The following PRLR variants were observed in gnomAD, a reference collection of about 807,000 sequenced individuals.
The protein encoded by PRLR is hPRL receptor.
PRLR carries 13 observed loss-of-function variants against 40.2 expected under a neutral mutation model. The ratio of observed to expected loss-of-function variants is 0.32; its 90% CI spans 0.21 to 0.51. The LOEUF is 0.51. PRLR is among the 20% of genes least tolerant of loss of function. PRLR has a pLI of 0.97. For synonymous variants in PRLR, 269 were observed against 278.7 expected (o/e 0.97, Z 0.35); for missense variants, 656 against 747.3 (o/e 0.88, Z 1.42).
At chr5:35,069,209 C>G (rs1179078596) in intron 7 of PRLR, among the ~76,000 whole-genome samples, 2 of 152,118 alleles carry the variant, frequency 1.3e-5, no homozygotes. Context: ...TTACTAAAAG[C>G]CATCAATGGT....
At chr5:35,223,453 G>C (rs1336366648) in intron 1 of PRLR, among the ~76,000 whole-genome samples, 1 of 152,042 alleles carries the variant, frequency 6.6e-6, no homozygotes, top group African/African-American at 2.4e-5. Flanking sequence ...TGATTCTGAT[G>C]TAAAGCTCAG....
At chr5:35,177,085 C>T (rs952941014) in intron 1 of PRLR, among the ~76,000 whole-genome samples, 1 of 152,152 alleles carries the variant, frequency 6.6e-6, no homozygotes, top group African/African-American at 2.4e-5. Flanking sequence ...GATGCAAAGA[C>T]CTTTGTTCAC....
chr5:35,127,505 AT>A (rs1263946246), intron 1 of PRLR, among the ~76,000 whole-genome samples: 1 of 152,234 alleles, frequency 6.6e-6, no homozygotes, highest in Admixed American at 6.5e-5. Flanking sequence ...AGATATTAAG[AT>A]CAGAAACTGT....
chr5:35,228,275 T>C, intron 1 of PRLR, among the ~76,000 whole-genome samples: 1 of 148,120 alleles, frequency 6.8e-6, no homozygotes, highest in Non-Finnish European at 1.5e-5. Context: ...TTCATTGTGC[T>C]GACAGGAAAA....
intron 1 of PRLR, among the ~76,000 whole-genome samples, chr5:35,126,894 GA>G (rs1005119116): frequency 6.6e-6 from 1 of 152,224 alleles, no homozygotes; most frequent in Non-Finnish European, 1.5e-5. Flanking sequence ...ACTTGCTGAT[GA>G]GAAAGAGATG....
In PRLR at chr5:35,191,184, C is replaced by G. The variant is rs1263623515; in HGVS notation, c.-106+39084G>C. Among the ~76,000 whole-genome samples, 3 of 124,308 alleles carry G rather than the reference C, an allele frequency of 2.4e-5. 1 individual carries two copies. Among genetic ancestry groups the G allele is most frequent in the Non-Finnish European group, 5.2e-5 (3 of 57,468 alleles). 81.6% of individuals were successfully genotyped at this position (124,308 alleles called of 152,430 possible). On this transcript the variant is annotated intron_variant, in intron 1 of 9. Coordinates refer to ENST00000618457, the MANE Select transcript of PRLR (RefSeq NM_000949.7). ...CTCCCGGGTTCACGCCATTCTCCTG[C>G]CTCAGCCTCCCAAGTAGCTGGGACT...
Position 35,063,629 on chromosome 5 carries a change from T to C in PRLR, c.*1460A>G, listed in dbSNP as rs1561256418. On this transcript the variant is annotated 3_prime_UTR_variant, in exon 10 of 10. Coordinates refer to ENST00000618457, the MANE Select transcript of PRLR (RefSeq NM_000949.7). ...TTGGACACTTCTGATATGAGCCATT[T>C]CTGCCTCTGCCAAGATTTTGCAATT... 6.6e-6 allele frequency: 1 copy of C among 152,234 alleles called. No homozygotes were observed. Among genetic ancestry groups the C allele is most frequent in the Non-Finnish European group, 1.5e-5 (1 of 68,042 alleles). 9.4% of individuals were successfully genotyped at this position (152,234 alleles called of 1,614,324 possible). A position where few individuals can be genotyped will look rare whatever the true frequency, so the allele number is the denominator to read the frequency against.
At chr5:35,166,962 A>G (rs1428466955) in intron 1 of PRLR, among the ~76,000 whole-genome samples, 1 of 152,122 alleles carries the variant, frequency 6.6e-6, no homozygotes, top group Non-Finnish European at 1.5e-5. Context: ...TGTTTTTTGT[A>G]TATGCTAGAG....
chr5:35,199,559 G>A lies in PRLR; in HGVS notation c.-106+30709C>T, dbSNP rs529037493. ...ATTCTTTAAAAGTTTTTAAAAACAC[G>A]TCATTCTTCAAAAATTGGAAATTGA... is the stretch of plus-strand genomic sequence containing the variant. On this transcript the variant is annotated intron_variant, in intron 1 of 9. Coordinates refer to ENST00000618457, the MANE Select transcript of PRLR (RefSeq NM_000949.7). Among the ~76,000 whole-genome samples the A allele has an allele frequency of 7.5e-4, 106 of 141,632 alleles. 1 individual carries two copies. The highest frequency in any genetic ancestry group is 3.2e-3 in the Admixed American group (43 of 13,524). The allele number at this position is 141,632 out of a possible 152,430, so 92.9% of individuals were successfully genotyped here.
chr5:35,066,491 A>G lies in PRLR; in HGVS notation c.856-389T>C, dbSNP rs1419502381. 2.0e-5 allele frequency among the ~76,000 whole-genome samples: 3 copies of G among 152,016 alleles called. No individual in the cohort carries two copies. The East Asian group carries it at 5.8e-4, about 29-fold the overall frequency. ...GGTTGCTGGCCTGCTAACTTCCTCTATCACTTTCTAGAGTCTGGCAATAGT... is the reference window on the plus strand; with the variant it reads ...GGTTGCTGGCCTGCTAACTTCCTCTGTCACTTTCTAGAGTCTGGCAATAGT... On this transcript the variant is annotated intron_variant, in intron 9 of 9. Coordinates refer to ENST00000618457, the MANE Select transcript of PRLR (RefSeq NM_000949.7).
chr5:35,076,436 A>G (rs914365399), intron 5 of PRLR, among the ~76,000 whole-genome samples: 5 of 152,198 alleles, frequency 3.3e-5, no homozygotes, highest in African/African-American at 7.2e-5. Context: ...AGTGGAAGAA[A>G]GGGTATCAGT....
intron 2 of PRLR, among the ~76,000 whole-genome samples, chr5:35,116,321 T>TA (rs1305087549): frequency 6.6e-6 from 1 of 152,152 alleles, no homozygotes; most frequent in Non-Finnish European, 1.5e-5. Flanking sequence ...TAATTTTTTT[T>TA]AAAAAAGGAT....
chr5:35,201,616 GGATAGTAA>G (rs962471878), intron 1 of PRLR, among the ~76,000 whole-genome samples: 1 of 152,070 alleles, frequency 6.6e-6, no homozygotes, highest in African/African-American at 2.4e-5. Flanking sequence ...CCATTAACTT[GGATAGTAA>G]GCACAATTGC....
At chr5:35,107,433 T>C (rs190694315) in intron 2 of PRLR, among the ~76,000 whole-genome samples, 2 of 151,920 alleles carry the variant, frequency 1.3e-5, no homozygotes, top group Non-Finnish European at 2.9e-5. Flanking sequence ...TTAGTGAATC[T>C]AGGAGCTGGT....
intron 1 of PRLR, among the ~76,000 whole-genome samples, chr5:35,210,378 G>A (rs1003578067): frequency 6.6e-6 from 1 of 152,166 alleles, no homozygotes; most frequent in Non-Finnish European, 1.5e-5. Context: ...TATGAATTTT[G>A]CAGAATCATT....
chr5:35,072,374 T>C (rs1769801013), intron 6 of PRLR, among the ~76,000 whole-genome samples: 1 of 152,062 alleles, frequency 6.6e-6, no homozygotes, highest in African/African-American at 2.4e-5. Context: ...TACAAGAAAC[T>C]AGCCCGAGGA....
Position 35,094,974 on chromosome 5 carries a change from C to T in PRLR, c.-43-5311G>A, listed in dbSNP as rs1176388910. The stretch of plus-strand genomic sequence containing the variant: ...TCCTGAGTAGTGGGGACTAGAGGCA[C>T]GAGCCACCAACACCCAGCTAATTTT... On this transcript the variant is annotated intron_variant, in intron 2 of 9. Transcript: ENST00000618457. 5.3e-5 allele frequency among the ~76,000 whole-genome samples: 8 copies of T among 151,844 alleles called. No individual in the cohort carries two copies. In the East Asian group the frequency reaches 5.8e-4, roughly 11 times the overall value.
At chr5:35,134,085 A>T (rs1019070584) in intron 1 of PRLR, among the ~76,000 whole-genome samples, 2 of 152,168 alleles carry the variant, frequency 1.3e-5, no homozygotes, top group Admixed American at 1.3e-4. Context: ...GGTTTAATGT[A>T]TACTGCTCGG....
intron 6 of PRLR, 101 bp from the exon 7 acceptor site, chr5:35,070,366 TACAGA>T (rs1193452010): frequency 2.2e-5 from 28 of 1,266,034 alleles, no homozygotes; most frequent in Non-Finnish European, 3.0e-5. Flanking sequence ...AACAATCATA[TACAGA>T]GAATTCCCTG....
Sources: allele counts gnomAD v4.1 joint callset (sites outside exome capture counted in the v4.1 genomes callset), GRCh38; gene constraint gnomAD v4.1.1; transcripts MANE v1.5; gene names NCBI Gene and HGNC (gene_info 2026-07-23, HGNC 2026-07-21).